Variants in EPB41L3 observed in about 807,000 individuals in gnomAD.
EPB41L3 encodes band 4.1-like protein 3.
A neutral mutation model predicts 127.1 loss-of-function variants in EPB41L3; 57 were observed. The observed-to-expected ratio is 0.45, with a 90% CI of 0.36 to 0.56. EPB41L3 has a LOEUF of 0.56. Ranked by LOEUF, EPB41L3 falls within the 20% of genes least tolerant of loss-of-function variation. The pLI, the probability that EPB41L3 is intolerant of heterozygous loss-of-function variation, is 0.00. For missense variants in EPB41L3, 1,273 were observed against 1,372.2 expected, an observed-to-expected ratio of 0.93 and a Z score of 1.14; for synonymous variants, 572 against 549.5, an observed-to-expected ratio of 1.04 and a Z score of -0.57.
At position 5,433,562 on chromosome 18, in the gene EPB41L3, G is replaced by A. The variant is rs1397967494; in HGVS notation, c.825-6C>T. The A allele has an allele frequency of 1.9e-5, 31 of 1,609,118 alleles. No homozygotes were observed. The highest frequency in any genetic ancestry group is 2.6e-5 in the Non-Finnish European group (31 of 1,177,820). The stretch of plus-strand genomic sequence containing the variant: ...CTTCTGCTGGCGTCATTCCTCTGAT[G>A]AGAAGAAAAATATGTTACAATGATG... On this transcript the variant is annotated splice_polypyrimidine_tract_variant and splice_region_variant and intron_variant, in intron 7 of 22. Coordinates refer to ENST00000341928, the MANE Select transcript of EPB41L3 (RefSeq NM_012307.5).
intron 21 of EPB41L3, 119 bp downstream of exon 21, chr18:5,394,948 G>A: frequency 1.6e-6 from 2 of 1,240,466 alleles, no homozygotes; most frequent in Non-Finnish European, 2.3e-6. Context: ...ATATTGGAAA[G>A]TTAATTCGGA....
chr18:5,550,371 A>G (rs2093947557), intron 3 of EPB41L3, among the ~76,000 whole-genome samples: 1 of 152,192 alleles, frequency 6.6e-6, no homozygotes, highest in Non-Finnish European at 1.5e-5. Flanking sequence ...CAGAAAAACA[A>G]TATCATTTAT....
intron 1 of EPB41L3, among the ~76,000 whole-genome samples, chr18:5,493,097 T>A (rs1294617325): frequency 6.6e-6 from 1 of 152,220 alleles, no homozygotes; most frequent in Non-Finnish European, 1.5e-5. Context: ...AATCCTCATC[T>A]TTTCCACTTT....
At chr18:5,434,868 G>A (rs1298688242) in intron 6 of EPB41L3, among the ~76,000 whole-genome samples, 2 of 152,292 alleles carry the variant, frequency 1.3e-5, no homozygotes, top group East Asian at 3.9e-4. Flanking sequence ...CCTCTGGCAG[G>A]TGCTTCAGAG....
At chr18:5,399,437 C>T (rs2074125889) in intron 16 of EPB41L3, 3 of 398,134 alleles carry the variant, frequency 7.5e-6, no homozygotes, top group Non-Finnish European at 1.3e-5. Context: ...TATCTCATTT[C>T]TAAAATAAGA....
At chr18:5,419,603 C>T (rs1195417288) in intron 12 of EPB41L3, 108 bp downstream of exon 12, 1 of 1,441,010 alleles carries the variant, frequency 6.9e-7, no homozygotes, top group Non-Finnish European at 9.5e-7. Flanking sequence ...CCAGTGCTGA[C>T]ATATGATTTA....
At chr18:5,573,490 C>A (rs368613049) in intron 3 of EPB41L3, among the ~76,000 whole-genome samples, 6 of 152,282 alleles carry the variant, frequency 3.9e-5, no homozygotes, top group Admixed American at 1.3e-4. Context: ...TCTTAGAAGC[C>A]ACTATGGCTA....
chr18:5,608,460 A>G (rs1428553637), intron 3 of EPB41L3, among the ~76,000 whole-genome samples: 4 of 152,348 alleles, frequency 2.6e-5, no homozygotes, highest in Admixed American at 2.6e-4. Flanking sequence ...ACACTGCAAC[A>G]GAGTTGGGGA....
At chr18:5,589,996 C>T (rs1429903996) in intron 3 of EPB41L3, among the ~76,000 whole-genome samples, 1 of 152,158 alleles carries the variant, frequency 6.6e-6, no homozygotes, top group Non-Finnish European at 1.5e-5. Flanking sequence ...GCAATTTCCA[C>T]ATTTGAATTG....
In EPB41L3 at chr18:5,407,722, TTCC is replaced by T; in HGVS notation, c.2133_2135del (p.Glu712del). ...CTACCTGTGCCTTGAGCTCTGCATCTTCCTCCTGGTCCGACTGCCAGCATCAAG... is the reference window on the plus strand; with the variant it reads ...CTACCTGTGCCTTGAGCTCTGCATCTTCCTGGTCCGACTGCCAGCATCAAG... On this transcript the variant is annotated inframe_deletion, in exon 15 of 23. Transcript: ENST00000341928. 6.2e-7 allele frequency: 1 copy of T among 1,614,112 alleles called. No individual in the cohort carries two copies. The highest frequency in any genetic ancestry group is 8.5e-7 in the Non-Finnish European group (1 of 1,179,990).
At chr18:5,408,437 C>A (rs1047397689) in intron 14 of EPB41L3, among the ~76,000 whole-genome samples, 1 of 151,750 alleles carries the variant, frequency 6.6e-6, no homozygotes, top group African/African-American at 2.4e-5. Flanking sequence ...CCATGCCTAG[C>A]TAATTTTTTG....
At chr18:5,501,103 GAAT>G (rs1283522387) in intron 1 of EPB41L3, among the ~76,000 whole-genome samples, 1 of 152,100 alleles carries the variant, frequency 6.6e-6, no homozygotes, top group East Asian at 1.9e-4. Context: ...CACACAGCAT[GAAT>G]AATGTTTGAT....
chr18:5,515,262 T>TTTTTTGC (rs1463532588), intron 1 of EPB41L3, among the ~76,000 whole-genome samples: 2 of 152,198 alleles, frequency 1.3e-5, no homozygotes, highest in Non-Finnish European at 2.9e-5. Flanking sequence ...ACTGAGAGTT[T>TTTTTTGC]TTTTGCTTTG....
At chr18:5,517,119 T>G (rs897055042) in intron 1 of EPB41L3, among the ~76,000 whole-genome samples, 1 of 152,110 alleles carries the variant, frequency 6.6e-6, no homozygotes, top group African/African-American at 2.4e-5. Context: ...CGTCTATCAC[T>G]GAACGTTTCA....
intron 6 of EPB41L3, among the ~76,000 whole-genome samples, chr18:5,435,145 C>G (rs2145858187): frequency 6.6e-6 from 1 of 152,170 alleles, no homozygotes; most frequent in East Asian, 1.9e-4. Context: ...TTTTGTGCAG[C>G]TGTATGATGT....
At chr18:5,471,118 T>G (rs2086068283) in intron 3 of EPB41L3, among the ~76,000 whole-genome samples, 1 of 152,170 alleles carries the variant, frequency 6.6e-6, no homozygotes, top group South Asian at 2.1e-4. Flanking sequence ...GATCAGGAGC[T>G]CTACGACTCC....
At chr18:5,579,956 A>G (rs981718711) in intron 3 of EPB41L3, among the ~76,000 whole-genome samples, 1 of 152,212 alleles carries the variant, frequency 6.6e-6, no homozygotes, top group Non-Finnish European at 1.5e-5. Context: ...ACATTTTAAA[A>G]TATGACCCTC....
chr18:5,401,944 G>A (rs1038179924), intron 16 of EPB41L3, among the ~76,000 whole-genome samples: 3 of 152,020 alleles, frequency 2.0e-5, no homozygotes, highest in Non-Finnish European at 2.9e-5. Flanking sequence ...TAGAAGAATG[G>A]AACTTTTAAA....
chr18:5,474,585 CA>C (rs2086800183), intron 3 of EPB41L3, among the ~76,000 whole-genome samples: 1 of 151,880 alleles, frequency 6.6e-6, no homozygotes, highest in Admixed American at 6.6e-5. Context: ...TGAAGGCATT[CA>C]ATATGCCATG....
Sources: allele counts gnomAD v4.1 joint callset (sites outside exome capture counted in the v4.1 genomes callset), GRCh38; gene constraint gnomAD v4.1.1; transcripts MANE v1.5; gene names NCBI Gene and HGNC (gene_info 2026-07-23, HGNC 2026-07-21).